FGD4: variants seen among roughly 807,000 people sequenced by gnomAD.
FGD4 encodes the protein FYVE, RhoGEF and PH domain-containing protein 4.
Under a neutral mutation model 102.0 loss-of-function variants are expected in FGD4, and 42 were observed. The ratio of observed to expected loss-of-function variants is 0.41; its 90% CI spans 0.32 to 0.53. The LOEUF (loss-of-function observed/expected upper bound fraction) is 0.53, where lower values mean the gene tolerates loss of function less well. FGD4 is among the 20% of genes least tolerant of loss of function. FGD4 has a pLI of 0.21. For missense variants in FGD4, 902 were observed against 1,078.2 expected, an observed-to-expected ratio of 0.84 and a Z score of 2.29; for synonymous variants, 380 against 375.7, an observed-to-expected ratio of 1.01 and a Z score of -0.13.
chr12:32,488,073 G>T (rs1943967044), intron 1 of FGD4, among the ~76,000 whole-genome samples: 1 of 151,828 alleles, frequency 6.6e-6, no homozygotes, highest in African/African-American at 2.4e-5. Flanking sequence ...TGAAAATGTT[G>T]GTAACTGGAA....
intron 2 of FGD4, among the ~76,000 whole-genome samples, chr12:32,572,113 C>A (rs991440445): frequency 6.6e-6 from 1 of 152,066 alleles, no homozygotes; most frequent in Admixed American, 6.6e-5. Context: ...CATACACACA[C>A]ACGCATAAAA....
intron 1 of FGD4, chr12:32,511,853 C>T (rs550210020): frequency 6.6e-6 from 1 of 152,020 alleles, no homozygotes; most frequent in South Asian, 2.1e-4. Flanking sequence ...ACAGCCATAC[C>T]ACCCGGAATG....
intron 2 of FGD4, among the ~76,000 whole-genome samples, chr12:32,564,534 C>G (rs1945024103): frequency 6.6e-6 from 1 of 152,160 alleles, no homozygotes; most frequent in South Asian, 2.1e-4. Flanking sequence ...TGCATGTCAT[C>G]TTAACGGAAC....
chr12:32,511,587 C>T (rs1162368813), intron 1 of FGD4, among the ~76,000 whole-genome samples: 1 of 152,112 alleles, frequency 6.6e-6, no homozygotes, highest in African/African-American at 2.4e-5. Flanking sequence ...CAGTTGTGAG[C>T]CACCGCGCCC....
At position 32,602,363 on chromosome 12, in the gene FGD4, C is replaced by A. The variant is rs757011369; in HGVS notation, c.1404+46C>A. On this transcript the variant is annotated intron_variant, in intron 7 of 16. Transcript: ENST00000534526. ...AAAGCTATGAATTACTATTTCCATACAAATTATACAGTCTTCTATATCTAA... is the reference window on the plus strand; with the variant it reads ...AAAGCTATGAATTACTATTTCCATAAAAATTATACAGTCTTCTATATCTAA... 10 of 1,606,116 alleles carry A rather than the reference C, an allele frequency of 6.2e-6. No homozygotes were observed. In the African/African-American group the frequency reaches 9.4e-5, roughly 15 times the overall value.
chr12:32,555,850 G>C (rs1233823777), intron 1 of FGD4, among the ~76,000 whole-genome samples: 1 of 151,602 alleles, frequency 6.6e-6, no homozygotes, highest in South Asian at 2.1e-4. Flanking sequence ...GATTACAGGC[G>C]TGAGCCACTG....
intron 1 of FGD4, among the ~76,000 whole-genome samples, chr12:32,552,129 A>G (rs1943715564): frequency 6.6e-6 from 1 of 152,248 alleles, no homozygotes; most frequent in African/African-American, 2.4e-5. Flanking sequence ...GCCTTTTGTA[A>G]GCAGGCAGAA....
intron 1 of FGD4, among the ~76,000 whole-genome samples, chr12:32,520,911 G>T (rs1940473024): frequency 6.6e-6 from 1 of 151,978 alleles, no homozygotes; most frequent in African/African-American, 2.4e-5. Context: ...CTTACCCTCC[G>T]CTCTGTACCT....
intron 10 of FGD4, among the ~76,000 whole-genome samples, chr12:32,616,983 TGA>T (rs3044442): frequency 0.15 from 22,786 of 150,292 alleles, 1,958 homozygotes; most frequent in Middle Eastern, 0.26. Flanking sequence ...CATCACATGG[TGA>T]GAGAGAGAGA....
chr12:32,505,365 C>T (rs190849477), intron 1 of FGD4, among the ~76,000 whole-genome samples: 14 of 152,258 alleles, frequency 9.2e-5, no homozygotes, highest in African/African-American at 3.4e-4. Context: ...TGCGTGTGAA[C>T]GATGTGAACT....
chr12:32,416,498 G>A (rs1941419559), intron 1 of FGD4, among the ~76,000 whole-genome samples: 1 of 150,932 alleles, frequency 6.6e-6, no homozygotes, highest in South Asian at 2.1e-4. Flanking sequence ...TATTTTTTGG[G>A]TGTCCATTGT....
At chr12:32,410,441 C>A (rs1941157105) in intron 1 of FGD4, among the ~76,000 whole-genome samples, 1 of 151,638 alleles carries the variant, frequency 6.6e-6, no homozygotes, top group Non-Finnish European at 1.5e-5. Flanking sequence ...CCTGTGATCA[C>A]ACCACTGTAT....
At chr12:32,505,842 T>C (rs943838138) in intron 1 of FGD4, among the ~76,000 whole-genome samples, 2 of 152,184 alleles carry the variant, frequency 1.3e-5, no homozygotes, top group Non-Finnish European at 2.9e-5. Context: ...TTTTTACCAG[T>C]TTACTCGTCC....
Position 32,645,114 on chromosome 12 carries a change from A to C in FGD4, c.*4581A>C, listed in dbSNP as rs1028435586. The C allele has an allele frequency of 6.6e-6, 1 of 152,168 alleles. No homozygotes were observed. Among genetic ancestry groups the C allele is most frequent in the African/African-American group, 2.4e-5 (1 of 41,462 alleles). The allele number at this position is 152,168 out of a possible 1,614,324, so 9.4% of individuals were successfully genotyped here. A position where few individuals can be genotyped will look rare whatever the true frequency, so the allele number is the denominator to read the frequency against. ...AACGTAAATCAAGAAATCTCATATC[A>C]TACTTTAATAAATAAATACCAAATA... On this transcript the variant is annotated 3_prime_UTR_variant, in exon 17 of 17. Coordinates refer to ENST00000534526, the MANE Select transcript of FGD4 (RefSeq NM_001370298.3).
intron 1 of FGD4, among the ~76,000 whole-genome samples, chr12:32,550,512 AT>A (rs1943564642): frequency 6.6e-6 from 1 of 151,728 alleles, no homozygotes; most frequent in Admixed American, 6.6e-5. Flanking sequence ...TCTACAAAAT[AT>A]TTTTTAAAAA....
intron 1 of FGD4, among the ~76,000 whole-genome samples, chr12:32,530,949 T>TTTTG (rs1941741309): frequency 7.9e-6 from 1 of 126,416 alleles, no homozygotes; most frequent in South Asian, 2.9e-4. Flanking sequence ...TGGTTTTTTT[T>TTTTG]TTTTTTTTTT....
intron 15 of FGD4, among the ~76,000 whole-genome samples, chr12:32,635,193 G>C (rs1375376375): frequency 6.6e-6 from 1 of 152,078 alleles, no homozygotes. Context: ...TACTCGTATG[G>C]CCTACCAAAC....
chr12:32,600,512 A>G (rs771530334), intron 5 of FGD4: 1 of 1,205,450 alleles, frequency 8.3e-7, no homozygotes, highest in Non-Finnish European at 1.1e-6. Context: ...ATTAAGAGGT[A>G]TAGTAGCCCT....
At position 32,564,173 on chromosome 12, in the gene FGD4, C is replaced by G; in HGVS notation, c.203C>G (p.Pro68Arg). 3 of 1,536,094 alleles carry G rather than the reference C, an allele frequency of 2.0e-6. No individual in the cohort carries two copies. The highest frequency in any genetic ancestry group is 1.7e-6 in the Non-Finnish European group (2 of 1,146,898). ...STCPKIALVPPCSTSSTTTLV... is the reference protein window; with the variant it reads ...STCPKIALVPRCSTSSTTTLV... ...TGTCCAAAGATCGCTTTAGTTCCAC[C>G]TTGCTCCACAAGCAGCACAACCACA... Residue 68 changes from proline to arginine, a missense_variant, in exon 2 of 17, where the codon CCT (proline) becomes CGT (arginine). Around this residue, in one of 2 missense-constraint regions of FGD4, gnomAD observed 443 missense variants for 459.2 expected, o/e 0.96. Transcript: ENST00000534526.
Sources: allele counts gnomAD v4.1 joint callset (sites outside exome capture counted in the v4.1 genomes callset), GRCh38; gene constraint gnomAD v4.1.1; regional missense constraint gnomAD v4.1.1; transcripts MANE v1.5; gene names NCBI Gene and HGNC (gene_info 2026-07-23, HGNC 2026-07-21).